SLC1A2: variants seen among roughly 807,000 people sequenced by gnomAD.
SLC1A2 encodes solute carrier family 1 member 2, also known as excitatory amino acid transporter 2.
A neutral mutation model predicts 48.8 loss-of-function variants in SLC1A2; 15 were observed. That is an observed-to-expected ratio of 0.31 (90% CI 0.21 to 0.47). The LOEUF (loss-of-function observed/expected upper bound fraction) is 0.47, where lower values mean the gene tolerates loss of function less well. Among genes scored for constraint, SLC1A2 ranks in the 20% least tolerant of loss-of-function variants. The probability of loss-of-function intolerance (pLI) is 0.99; values close to 1 mark genes in which losing one functional copy is unlikely to be tolerated. For missense variants in SLC1A2, 502 were observed against 730.5 expected (o/e 0.69, Z 3.61); for synonymous variants, 279 against 272.6 (o/e 1.02, Z -0.23).
intron 1 of SLC1A2, among the ~76,000 whole-genome samples, chr11:35,345,429 T>C (rs1478522851): frequency 6.6e-6 from 1 of 152,212 alleles, no homozygotes; most frequent in African/African-American, 2.4e-5. Flanking sequence ...GATCACATCC[T>C]CTTTGCAGAG....
chr11:35,356,570 C>T (rs907032091), intron 1 of SLC1A2, among the ~76,000 whole-genome samples: 7 of 152,314 alleles, frequency 4.6e-5, no homozygotes, highest in East Asian at 1.9e-4. Flanking sequence ...AAGAATATAA[C>T]GTATCTTTTC....
intron 1 of SLC1A2, among the ~76,000 whole-genome samples, chr11:35,346,063 T>C (rs554705274): frequency 4.5e-4 from 69 of 152,268 alleles, no homozygotes; most frequent in Admixed American, 1.3e-3. Flanking sequence ...ATGTTCTTTT[T>C]TTTTTTCTTT....
chr11:35,276,336 C>A (rs896310338), intron 9 of SLC1A2, among the ~76,000 whole-genome samples: 5 of 152,120 alleles, frequency 3.3e-5, no homozygotes, highest in African/African-American at 1.2e-4. Flanking sequence ...AGATCAGAGC[C>A]CCAGAACTGG....
chr11:35,269,526 AG>A (rs1275800234), intron 9 of SLC1A2, among the ~76,000 whole-genome samples: 2 of 152,214 alleles, frequency 1.3e-5, no homozygotes, highest in Non-Finnish European at 2.9e-5. Context: ...ATTATGCTAA[AG>A]GGTTAATGAC....
chr11:35,379,591 G>C (rs1854356385), intron 1 of SLC1A2, among the ~76,000 whole-genome samples: 1 of 152,218 alleles, frequency 6.6e-6, no homozygotes, highest in African/African-American at 2.4e-5. Flanking sequence ...AATCAGTCTA[G>C]GGAGAGAGGA....
chr11:35,283,981 C>T (rs567450067), intron 8 of SLC1A2, among the ~76,000 whole-genome samples: 1 of 151,096 alleles, frequency 6.6e-6, no homozygotes, highest in African/African-American at 2.4e-5. Flanking sequence ...AAGCCAGGCA[C>T]CATGTTCTCA....
intron 1 of SLC1A2, among the ~76,000 whole-genome samples, chr11:35,376,032 G>C (rs929004294): frequency 1.3e-5 from 2 of 152,086 alleles, no homozygotes; most frequent in African/African-American, 2.4e-5. Flanking sequence ...GTAATAACCA[G>C]CCAGGCTAGT....
intron 1 of SLC1A2, among the ~76,000 whole-genome samples, chr11:35,376,329 C>T (rs1021407548): frequency 3.3e-5 from 5 of 152,094 alleles, no homozygotes; most frequent in African/African-American, 1.2e-4. Context: ...GATCCTAGAA[C>T]AGAGAGAGAA....
chr11:35,391,241 C>T (rs189322229), intron 1 of SLC1A2: 2 of 152,282 alleles, frequency 1.3e-5, no homozygotes, highest in East Asian at 3.9e-4. Flanking sequence ...CATTATGATA[C>T]AGACTGTATG....
chr11:35,257,173 C>T lies in SLC1A2; in HGVS notation c.*3721G>A, dbSNP rs1250444509. 6.6e-6 allele frequency: 1 copy of T among 152,154 alleles called. No individual in the cohort carries two copies. The highest frequency in any genetic ancestry group is 2.4e-5 in the African/African-American group (1 of 41,434). The allele number at this position is 152,154 out of a possible 1,614,324, so 9.4% of individuals were successfully genotyped here. A position where few individuals can be genotyped will look rare whatever the true frequency, so the allele number is the denominator to read the frequency against. The stretch of plus-strand genomic sequence containing the variant: ...CATATGCAAATGATGTATTTCTCCA[C>T]ACACAAGTGGAAATGACCAGAGACC... On this transcript the variant is annotated 3_prime_UTR_variant, in exon 11 of 11. Coordinates refer to ENST00000278379, the MANE Select transcript of SLC1A2 (RefSeq NM_004171.4).
intron 1 of SLC1A2, among the ~76,000 whole-genome samples, chr11:35,344,036 T>C (rs1565261586): frequency 6.6e-6 from 1 of 152,166 alleles, no homozygotes; most frequent in African/African-American, 2.4e-5. Context: ...CAGATCCTTT[T>C]TTACCCATCA....
chr11:35,376,015 A>G (rs1408673872), intron 1 of SLC1A2, among the ~76,000 whole-genome samples: 1 of 152,196 alleles, frequency 6.6e-6, no homozygotes, highest in Non-Finnish European at 1.5e-5. Context: ...CCTAACCTCC[A>G]GTATCAGTAA....
chr11:35,360,920 C>T (rs186267612), intron 1 of SLC1A2, among the ~76,000 whole-genome samples: 29 of 151,874 alleles, frequency 1.9e-4, no homozygotes, highest in African/African-American at 5.1e-4. Context: ...CTGTTGCCCA[C>T]GCTGGAGTAC....
chr11:35,380,397 C>T lies in SLC1A2; in HGVS notation c.17+38553G>A, dbSNP rs141784671. ...AGCACTAACCTTCTCCAAATGTGGT[C>T]CTTGGGCCTCTTCATGGATGCATAT... On this transcript the variant is annotated intron_variant, in intron 1 of 10. Transcript: ENST00000278379. The T allele has an allele frequency of 1.1e-3, 425 of 398,584 alleles. 1 individual carries two copies. The highest frequency in any genetic ancestry group is 7.3e-3 in the African/African-American group (356 of 48,748). 24.7% of individuals were successfully genotyped at this position (398,584 alleles called of 1,614,324 possible). A position where few individuals can be genotyped will look rare whatever the true frequency, so the allele number is the denominator to read the frequency against.
At chr11:35,333,930 T>C (rs868034135) in intron 1 of SLC1A2, among the ~76,000 whole-genome samples, 1 of 151,926 alleles carries the variant, frequency 6.6e-6, no homozygotes, top group African/African-American at 2.4e-5. Context: ...CTACCTGCCT[T>C]GGCCTCCAAA....
Position 35,418,990 on chromosome 11 carries a change from T to C in SLC1A2, c.-24A>G. 6.4e-7 allele frequency: 1 copy of C among 1,559,648 alleles called. No homozygotes were observed. The highest frequency in any genetic ancestry group is 8.7e-7 in the Non-Finnish European group (1 of 1,150,270). On this transcript the variant is annotated 5_prime_UTR_variant, in exon 1 of 11. Transcript: ENST00000278379. ...ATGGTCTGGGGAACGCCCCCTCCTC[T>C]TCAGCACTATCCGGCAGCTGTGGGC... is the stretch of plus-strand genomic sequence containing the variant.
rs1400780690 is a variant in SLC1A2, at chr11:35,306,197, C to T, written c.607G>A (p.Glu203Lys). 5 of 1,613,900 alleles carry T rather than the reference C, an allele frequency of 3.1e-6. No individual in the cohort carries two copies. The highest frequency in any genetic ancestry group is 4.2e-6 in the Non-Finnish European group (5 of 1,179,914). ...ACAGCGCTGGTTGCGTTGGCCTCCTCGTCCGGCGGTGGTGCAACCAGGACT... is the reference window on the plus strand; with the variant it reads ...ACAGCGCTGGTTGCGTTGGCCTCCTTGTCCGGCGGTGGTGCAACCAGGACT... The part of the protein sequence containing the change: ...KKVLVAPPPD[E>K]EANATSAVVS... The change falls in exon 5 of 11, where the codon GAG (glutamate) becomes AAG (lysine). Residue 203 changes from glutamate to lysine, a missense_variant. Glu to Lys is a moderately conservative substitution (Grantham distance 56). Transcript: ENST00000278379.
intron 1 of SLC1A2, among the ~76,000 whole-genome samples, chr11:35,319,743 A>G (rs1238526632): frequency 6.6e-6 from 1 of 152,188 alleles, no homozygotes; most frequent in Non-Finnish European, 1.5e-5. Flanking sequence ...TGCCTCTTTA[A>G]TGGTTTGTTT....
At chr11:35,321,114 GC>G (rs1478195581) in intron 1 of SLC1A2, among the ~76,000 whole-genome samples, 1 of 152,162 alleles carries the variant, frequency 6.6e-6, no homozygotes, top group Non-Finnish European at 1.5e-5. Flanking sequence ...GAAGCGCCAA[GC>G]AAAAGGGGGA....
Sources: allele counts gnomAD v4.1 joint callset (sites outside exome capture counted in the v4.1 genomes callset), GRCh38; gene constraint gnomAD v4.1.1; transcripts MANE v1.5; gene names NCBI Gene and HGNC (gene_info 2026-07-23, HGNC 2026-07-21).